CEP131: variants seen among roughly 807,000 people sequenced by gnomAD.
The protein encoded by CEP131 is centrosomal protein of 131 kDa.
Under a neutral mutation model 136.8 loss-of-function variants are expected in CEP131, and 99 were observed. That is an observed-to-expected ratio of 0.72 (90% confidence interval 0.62 to 0.86). The LOEUF is 0.86. CEP131 is among the 40% of genes least tolerant of loss of function. The pLI is 0.00. For synonymous variants in CEP131, 646 were observed against 612.7 expected, an observed-to-expected ratio of 1.05 and a Z score of -0.80; for missense variants, 1,459 against 1,463.0, an observed-to-expected ratio of 1.00 and a Z score of 0.04.
Position 81,219,199 on chromosome 17 carries a change from G to A in CEP131, c.177+681C>T, listed in dbSNP as rs372387491. ...GCAGCTCTCACCCCGAAGCTCCCACGGCTGTCCTGCTGCCCACACACCCAC... is the reference window on the plus strand; with the variant it reads ...GCAGCTCTCACCCCGAAGCTCCCACAGCTGTCCTGCTGCCCACACACCCAC... On this transcript the variant is annotated intron_variant, in intron 2 of 25. Coordinates refer to ENST00000450824, the MANE Select transcript of CEP131 (RefSeq NM_014984.4). This position sits in a 1 kb window ranked among gnomAD's most constrained non-coding sequence, Gnocchi z 4.0. Among the ~76,000 whole-genome samples the A allele has an allele frequency of 4.6e-5, 7 of 152,180 alleles. No homozygotes were observed. Among genetic ancestry groups the A allele is most frequent in the East Asian group, 3.9e-4 (2 of 5,170 alleles).
At position 81,194,881 on chromosome 17, in the gene CEP131, A is replaced by C. The variant is rs761833623; in HGVS notation, c.2108T>G (p.Val703Gly). 1.2e-6 allele frequency: 2 copies of C among 1,611,314 alleles called. No homozygotes were observed. The highest frequency in any genetic ancestry group is 8.5e-7 in the Non-Finnish European group (1 of 1,179,714). ...ISEKTKKIKE[V>G]TVRGLEPEIQ... ...AGGGGAGGGCCCACCTCGGACAGTG[A>C]CCTCCTTGATCTTCTTGGTTTTCTC... The change falls in exon 17 of 26, where the codon GTC (valine) becomes GGC (glycine). Residue 703 changes from valine (V) to glycine (G), a missense_variant. By Grantham distance (109) the Val-to-Gly change is moderately radical. Around this residue, in one of 3 missense-constraint regions of CEP131, gnomAD observed 1,026 missense variants for 964.2 expected, o/e 1.06. Coordinates refer to ENST00000450824, the MANE Select transcript of CEP131 (RefSeq NM_014984.4).
chr17:81,213,403 AC>A (rs2062176867), intron 2 of CEP131, among the ~76,000 whole-genome samples: 1 of 152,098 alleles, frequency 6.6e-6, no homozygotes, highest in Admixed American at 6.5e-5. Flanking sequence ...CTACTGAAAT[AC>A]AAAAATTAGT....
intron 18 of CEP131, among the ~76,000 whole-genome samples, chr17:81,193,287 C>T (rs1231152831): frequency 1.3e-5 from 2 of 152,232 alleles, no homozygotes; most frequent in African/African-American, 2.4e-5. Context: ...GCCAGGGCCT[C>T]GTCCTGACCC....
intron 10 of CEP131, 137 bp downstream of exon 10, chr17:81,199,244 A>G: frequency 9.3e-7 from 1 of 1,077,352 alleles, no homozygotes. Flanking sequence ...CTGGGGGCCA[A>G]GGCCCCTAAC....
Position 81,199,406 on chromosome 17 carries a change from G to T in CEP131, c.1167C>A (p.His389Gln), listed in dbSNP as rs370493313. 75 of 1,605,724 alleles carry T rather than the reference G, an allele frequency of 4.7e-5. No homozygotes were observed. Among genetic ancestry groups the T allele is most frequent in the Non-Finnish European group, 5.8e-5 (68 of 1,177,748 alleles). Residue 389 changes from histidine (H) to glutamine (Q), a missense_variant, in exon 10 of 26, where the codon CAC (histidine) becomes CAA (glutamine). By Grantham distance (24) the His-to-Gln change is conservative. This residue lies in a region of CEP131 where 1,026 missense variants were observed against 964.2 expected (regional missense o/e 1.06). Transcript: ENST00000450824. ...ELSPTPGGTA[H>Q]QALKANNTGG... The stretch of plus-strand genomic sequence containing the variant: ...CAGTATTGTTGGCCTTGAGGGCCTG[G>T]TGGGCAGTGCCGCCTGGTGTGGGGG...
intron 18 of CEP131, 69 bp from the exon 19 acceptor site, chr17:81,192,912 GCACGGGCCGAC>G (rs2061675586): frequency 6.5e-7 from 1 of 1,538,408 alleles, no homozygotes; most frequent in African/African-American, 1.4e-5. Flanking sequence ...CACCGCAGGG[GCACGGGCCGAC>G]CACAGGCCTG....
In CEP131 at chr17:81,199,563, A is replaced by G. The variant is rs2061843661; in HGVS notation, c.1024-14T>C. On this transcript the variant is annotated splice_polypyrimidine_tract_variant and intron_variant, in intron 9 of 25. Transcript: ENST00000450824. ...CTGTTGCAGCTCCTGCAGTGGGAGCATCGCTGAGCACTGTCCCTGGGAGAG... is the reference window on the plus strand; with the variant it reads ...CTGTTGCAGCTCCTGCAGTGGGAGCGTCGCTGAGCACTGTCCCTGGGAGAG... 1 of 1,600,716 alleles carries G rather than the reference A, an allele frequency of 6.2e-7. No homozygotes were observed. Among genetic ancestry groups the G allele is most frequent in the Non-Finnish European group, 8.5e-7 (1 of 1,174,318 alleles).
At chr17:81,211,902 C>T (rs958116852) in intron 2 of CEP131, among the ~76,000 whole-genome samples, 1 of 140,876 alleles carries the variant, frequency 7.1e-6, no homozygotes. Context: ...CACTGCACTC[C>T]AACCTGGGCA....
At position 81,194,959 on chromosome 17, in the gene CEP131, A is replaced by T. The variant is rs1469304617; in HGVS notation, c.2030T>A (p.Leu677His). The change falls in exon 17 of 26, where the codon CTC becomes CAC. Residue 677 changes from leucine to histidine, a missense_variant. Leu to His is a moderately conservative substitution (Grantham distance 99). Around this residue, in one of 3 missense-constraint regions of CEP131, gnomAD observed 1,026 missense variants for 964.2 expected, o/e 1.06. Coordinates refer to ENST00000450824, the MANE Select transcript of CEP131 (RefSeq NM_014984.4). ...QAQHELEIKK[L>H]KELMSATEKA... is the part of the protein sequence containing the mutation. ...CTCGGTGGCGCTCATTAATTCTTTG[A>T]GTTTTTTAATCTCCTACGAGCAGAA... is the stretch of plus-strand genomic sequence containing the variant. The T allele has an allele frequency of 6.2e-7, 1 of 1,610,704 alleles. No homozygotes were observed. The highest frequency in any genetic ancestry group is 1.1e-5 in the South Asian group (1 of 90,990).
In CEP131 at chr17:81,193,962, G is replaced by A. The variant is rs1013099591; in HGVS notation, c.2285C>T (p.Ala762Val). Residue 762 changes from alanine (A) to valine (V), a missense_variant, in exon 18 of 26, where the codon GCG becomes GTG. Ala to Val is a moderately conservative substitution (Grantham distance 64). Around this residue, in one of 3 missense-constraint regions of CEP131, gnomAD observed 1,026 missense variants for 964.2 expected, o/e 1.06. Coordinates refer to ENST00000450824, the MANE Select transcript of CEP131 (RefSeq NM_014984.4). ...LREQLEREKE[A>V]LGQQERERAR... The stretch of plus-strand genomic sequence containing the variant: ...ACGTTCGCGCTCCTGCTGGCCCAGC[G>A]CCTCCTTCTCCCGCTCCAGCTGCTC... The A allele has an allele frequency of 5.8e-6, 9 of 1,543,064 alleles. No homozygotes were observed. Among genetic ancestry groups the A allele is most frequent in the East Asian group, 2.4e-5 (1 of 41,558 alleles).
intron 14 of CEP131, 32 bp downstream of exon 14, chr17:81,196,898 G>A: frequency 1.9e-6 from 3 of 1,607,450 alleles, no homozygotes; most frequent in South Asian, 1.1e-5. Flanking sequence ...GAGGCTAGCA[G>A]GGCCCGGGAT....
At chr17:81,212,827 A>G (rs533845294) in intron 2 of CEP131, among the ~76,000 whole-genome samples, 7 of 152,254 alleles carry the variant, frequency 4.6e-5, no homozygotes, top group South Asian at 4.1e-4. Context: ...CACAACACCA[A>G]TGGTTACTAG....
chr17:81,203,439 A>C lies in CEP131; in HGVS notation c.629+55T>G, dbSNP rs558161256. ...GTCGGACCCCAGGTGCACTGACTAC[A>C]TGCCCTAACTGAGGTCGGACCCCGC... On this transcript the variant is annotated intron_variant, in intron 6 of 25. Coordinates refer to ENST00000450824, the MANE Select transcript of CEP131 (RefSeq NM_014984.4). The surrounding 1 kb of genome is among the most constrained non-coding windows in gnomAD (Gnocchi z 4.6). 3 of 1,411,682 alleles carry C rather than the reference A, an allele frequency of 2.1e-6. No individual in the cohort carries two copies. Among genetic ancestry groups the C allele is most frequent in the Non-Finnish European group, 2.9e-6 (3 of 1,028,100 alleles). The allele number at this position is 1,411,682 out of a possible 1,614,324, so 87.4% of individuals were successfully genotyped here.
At chr17:81,210,343 G>A (rs192935500) in intron 2 of CEP131, among the ~76,000 whole-genome samples, 1 of 152,148 alleles carries the variant, frequency 6.6e-6, no homozygotes, top group African/African-American at 2.4e-5. Context: ...AGGCCGAGGC[G>A]GGTGGATCAC....
At position 81,203,482 on chromosome 17, in the gene CEP131, A is replaced by G. The variant is rs774657425; in HGVS notation, c.629+12T>C. 3 of 1,585,978 alleles carry G rather than the reference A, an allele frequency of 1.9e-6. No homozygotes were observed. Among genetic ancestry groups the G allele is most frequent in the Admixed American group, 3.5e-5 (2 of 56,418 alleles). ...GACCCCGCAGCCCCGCGGCCTCCCC[A>G]GAAGACCTTACTTGAGGGAGGGGGC... On this transcript the variant is annotated intron_variant, in intron 6 of 25. Transcript: ENST00000450824. This position sits in a 1 kb window ranked among gnomAD's most constrained non-coding sequence, Gnocchi z 4.6.
At chr17:81,198,768 C>G in intron 11 of CEP131, 109 bp downstream of exon 11, 1 of 1,150,178 alleles carries the variant, frequency 8.7e-7, no homozygotes, top group East Asian at 2.6e-5. Context: ...TTAAGTGGCC[C>G]CTAGAGCAGA....
At chr17:81,200,179 G>C (rs1481483893) in intron 8 of CEP131, 150 bp downstream of exon 8, 2 of 676,482 alleles carry the variant, frequency 3.0e-6, no homozygotes, top group African/African-American at 3.6e-5. Flanking sequence ...TGTCCGCGGG[G>C]ACCCAGGGTC....
chr17:81,208,554 C>T lies in CEP131; in HGVS notation c.272+374G>A, dbSNP rs953262236. Among the ~76,000 whole-genome samples, 8 of 152,220 alleles carry T rather than the reference C, an allele frequency of 5.3e-5. No homozygotes were observed. In the East Asian group the frequency reaches 1.3e-3, roughly 26 times the overall value. On this transcript the variant is annotated intron_variant, in intron 3 of 25. Coordinates refer to ENST00000450824, the MANE Select transcript of CEP131 (RefSeq NM_014984.4). This position sits in a 1 kb window ranked among gnomAD's most constrained non-coding sequence, Gnocchi z 5.6. The stretch of plus-strand genomic sequence containing the variant: ...AAGTGGGCAAAGGTGGGAACAGGGG[C>T]GCACAGCGTGGGGGTTCAGAAGGGT...
At chr17:81,207,838 T>C (rs2062040213) in intron 3 of CEP131, among the ~76,000 whole-genome samples, 1 of 19,982 alleles carries the variant, frequency 5.0e-5, no homozygotes, top group Middle Eastern at 0.025. Flanking sequence ...ACTGATCAGG[T>C]GGGATCAAAA....
Sources: allele counts gnomAD v4.1 joint callset (sites outside exome capture counted in the v4.1 genomes callset), GRCh38; gene constraint gnomAD v4.1.1; regional missense constraint gnomAD v4.1.1; non-coding constraint Gnocchi (gnomAD v3.1); transcripts MANE v1.5; gene names NCBI Gene and HGNC (gene_info 2026-07-23, HGNC 2026-07-21).